ZNF496: variants seen among roughly 807,000 people sequenced by gnomAD.
The protein encoded by ZNF496 is zinc finger protein 496.
In ZNF496, 11 loss-of-function variants were observed where a neutral mutation model predicts 58.9. The ratio of observed to expected loss-of-function variants is 0.19; its 90% CI spans 0.12 to 0.31. The LOEUF (loss-of-function observed/expected upper bound fraction) is 0.31. ZNF496 is among the 10% of genes least tolerant of loss of function. ZNF496 has a pLI of 1.00. For missense variants in ZNF496, 660 were observed against 783.0 expected (o/e 0.84, Z 1.88); for synonymous variants, 338 against 318.2 (o/e 1.06, Z -0.66).
chr1:247,301,937 G>C (rs989969375), intron 9 of ZNF496, among the ~76,000 whole-genome samples: 4 of 152,126 alleles, frequency 2.6e-5, no homozygotes, highest in African/African-American at 9.7e-5. Flanking sequence ...ACAGCTCCCC[G>C]GCTCCCAGTA....
intron 9 of ZNF496, chr1:247,307,732 G>A (rs1475663819): frequency 1.0e-6 from 1 of 985,304 alleles, no homozygotes; most frequent in African/African-American, 1.7e-5. Context: ...AGGTAGAAGA[G>A]ATAATATGTG....
intron 6 of ZNF496, among the ~76,000 whole-genome samples, chr1:247,314,101 C>G (rs1303147683): frequency 1.3e-5 from 2 of 152,036 alleles, no homozygotes; most frequent in East Asian, 3.9e-4. Flanking sequence ...ACTCTGTCAC[C>G]CCGGCTGGAG....
At position 247,316,190 on chromosome 1, in the gene ZNF496, GGTGT is replaced by G. The variant is rs1187777193; in HGVS notation, c.652-5738_652-5735del. Among the ~76,000 whole-genome samples, 88 of 145,580 alleles carry G rather than the reference GGTGT, an allele frequency of 6.0e-4. 1 individual carries two copies. The highest frequency in any genetic ancestry group is 1.1e-3 in the Non-Finnish European group (74 of 66,378). ...TGTGTGTGCACGACTTCCTGGGAGGGGTGTGTGTGTGTGCGCGCGCGTGCGCGTG... is the reference window on the plus strand; with the variant it reads ...TGTGTGTGCACGACTTCCTGGGAGGGGTGTGTGTGCGCGCGCGTGCGCGTG... On this transcript the variant is annotated intron_variant, in intron 6 of 9. Transcript: ENST00000682384.
intron 6 of ZNF496, among the ~76,000 whole-genome samples, chr1:247,320,056 A>G (rs553434230): frequency 6.6e-6 from 1 of 152,274 alleles, no homozygotes; most frequent in East Asian, 1.9e-4. Flanking sequence ...AAGAAAAGCT[A>G]TATTAACATC....
chr1:247,325,708 T>G (rs2103031861), intron 5 of ZNF496, among the ~76,000 whole-genome samples: 1 of 152,276 alleles, frequency 6.6e-6, no homozygotes, highest in South Asian at 2.1e-4. Flanking sequence ...TTGCCCAGGC[T>G]GGTCTCAAAC....
Position 247,308,853 on chromosome 1 carries a change from G to C in ZNF496, c.893-265C>G. The C allele has an allele frequency of 2.3e-6, 1 of 427,570 alleles. No individual in the cohort carries two copies. Among genetic ancestry groups the C allele is most frequent in the Middle Eastern group, 7.1e-4 (1 of 1,412 alleles). The allele number at this position is 427,570 out of a possible 1,614,324, so 26.5% of individuals were successfully genotyped here. ...CTACTCCACCCACTCTATGGCCAGA[G>C]ACAAGCACTTCCCCCAGCCCCATAT... On this transcript the variant is annotated intron_variant, in intron 8 of 9. Transcript: ENST00000682384. The surrounding 1 kb of genome is among the most constrained non-coding windows in gnomAD (Gnocchi z 4.5).
At chr1:247,310,201 C>A (rs1659557307) in intron 7 of ZNF496, 123 bp downstream of exon 7, 2 of 1,509,426 alleles carry the variant, frequency 1.3e-6, no homozygotes, top group South Asian at 2.7e-5. Context: ...TGGGGGTGAA[C>A]AGAGAGATCT....
chr1:247,322,133 C>T (rs1364927883), intron 6 of ZNF496, among the ~76,000 whole-genome samples: 7 of 152,076 alleles, frequency 4.6e-5, no homozygotes, highest in Non-Finnish European at 7.4e-5. Context: ...AAATACAAAA[C>T]TTAGCTGGGT....
At chr1:247,323,256 C>T (rs1416443409) in intron 5 of ZNF496, 26 bp from the exon 6 acceptor site, 1 of 1,599,540 alleles carries the variant, frequency 6.3e-7, no homozygotes, top group African/African-American at 1.3e-5. Flanking sequence ...AAATGGTGTC[C>T]TAAAGTGGGC....
In ZNF496 at chr1:247,300,915, G is replaced by A. The variant is rs776914168; in HGVS notation, c.1368C>T (p.Ser456=). The A allele has an allele frequency of 6.2e-7, 1 of 1,613,122 alleles. No homozygotes were observed. Among genetic ancestry groups the A allele is most frequent in the Non-Finnish European group, 8.5e-7 (1 of 1,179,420 alleles). ...ACCGGTAAGGCTTCTGGGCCTCGTG[G>A]CTCTCTAGGTGCCCATCCAGGTCCT... is the stretch of plus-strand genomic sequence containing the variant. ...DSEDLDGHLE[S]HEAQKPYRCG... is the part of the protein sequence containing the mutation. The change falls in exon 10 of 10, where the codon AGC becomes AGT. Residue 456 remains serine (S), a synonymous_variant. Coordinates refer to ENST00000682384, the MANE Select transcript of ZNF496 (RefSeq NM_032752.3). This position sits in a 1 kb window ranked among gnomAD's most constrained non-coding sequence, Gnocchi z 5.7.
intron 6 of ZNF496, chr1:247,322,871 C>A: frequency 1.9e-6 from 2 of 1,074,772 alleles, no homozygotes; most frequent in Non-Finnish European, 2.6e-6. Context: ...TGCTGAGAGG[C>A]CCATCAATGG....
intron 9 of ZNF496, chr1:247,307,210 C>T (rs1302004781): frequency 7.1e-6 from 7 of 985,264 alleles, no homozygotes; most frequent in African/African-American, 1.7e-5. Flanking sequence ...CATCAGCTGG[C>T]GGGAAAAGCC....
chr1:247,319,276 C>T (rs577405259), intron 6 of ZNF496, among the ~76,000 whole-genome samples: 4 of 152,334 alleles, frequency 2.6e-5, no homozygotes, highest in South Asian at 4.1e-4. Context: ...GCACAAGCCA[C>T]GGTGCCCGAA....
chr1:247,326,745 A>G (rs1356098788), intron 5 of ZNF496, among the ~76,000 whole-genome samples: 2 of 152,204 alleles, frequency 1.3e-5, no homozygotes, highest in Non-Finnish European at 2.9e-5. Context: ...TAAAGAGGTC[A>G]TTAAGATAAA....
intron 2 of ZNF496, 86 bp downstream of exon 2, chr1:247,331,346 G>C (rs2103036812): frequency 6.6e-6 from 1 of 152,440 alleles, no homozygotes; most frequent in South Asian, 2.1e-4. Flanking sequence ...AGGTCGCTGT[G>C]GGCCAGGGAA....
chr1:247,322,908 A>G, intron 6 of ZNF496: 1 of 873,250 alleles, frequency 1.1e-6, no homozygotes, highest in Non-Finnish European at 1.7e-6. Context: ...GTTTCCTGCT[A>G]TCGTCTGCAC....
chr1:247,307,062 G>C, intron 9 of ZNF496: 3 of 980,770 alleles, frequency 3.1e-6, no homozygotes, highest in Non-Finnish European at 3.6e-6. Flanking sequence ...GCAATTCATA[G>C]AACACAATAA....
chr1:247,327,852 A>C lies in ZNF496; in HGVS notation c.574+831T>G, dbSNP rs186099455. ...ACACTCTCTTTCCACTGTACATATAAAGCACCGTGGCAAGTCCACCCAGAG... is the reference window on the plus strand; with the variant it reads ...ACACTCTCTTTCCACTGTACATATACAGCACCGTGGCAAGTCCACCCAGAG... On this transcript the variant is annotated intron_variant, in intron 5 of 9. Coordinates refer to ENST00000682384, the MANE Select transcript of ZNF496 (RefSeq NM_032752.3). Among the ~76,000 whole-genome samples, 423 of 149,988 alleles carry C rather than the reference A, an allele frequency of 2.8e-3. 1 individual carries two copies. The highest frequency in any genetic ancestry group is 4.7e-3 in the Non-Finnish European group (319 of 67,342).
intron 6 of ZNF496, 61 bp from the exon 7 acceptor site, chr1:247,310,517 G>A (rs1659567387): frequency 6.3e-7 from 1 of 1,599,088 alleles, no homozygotes. Flanking sequence ...CTCAGTCTTA[G>A]TCCACTGAGG....
Sources: gnomAD v4.1 joint callset for allele counts (sites outside exome capture counted in the v4.1 genomes callset) on GRCh38, gnomAD v4.1.1 for gene constraint, Gnocchi (gnomAD v3.1) non-coding constraint, MANE v1.5 for transcripts, NCBI Gene and HGNC (gene_info 2026-07-23, HGNC 2026-07-21) for gene names.